TRRAP: variants seen among roughly 807,000 people sequenced by gnomAD.
TRRAP encodes the protein transformation/transcription domain associated protein.
TRRAP carries 41 observed loss-of-function variants against 438.8 expected under a neutral mutation model. The ratio of observed to expected loss-of-function variants is 0.09; its 90% CI spans 0.07 to 0.12. TRRAP has a LOEUF of 0.12. TRRAP is among the 10% of genes least tolerant of loss of function. TRRAP has a pLI of 1.00. For synonymous variants in TRRAP, 1,994 were observed against 1,962.9 expected, an observed-to-expected ratio of 1.02 and a Z score of -0.42; for missense variants, 3,122 against 5,055.1, an observed-to-expected ratio of 0.62 and a Z score of 11.60.
intron 39 of TRRAP, 98 bp downstream of exon 39, chr7:98,951,102 G>A (rs1007810554): frequency 1.8e-5 from 8 of 441,232 alleles, no homozygotes; most frequent in Non-Finnish European, 2.4e-5. Context: ...TGTTAAGGGG[G>A]TTCATTGAAA....
chr7:98,940,896 A>G (rs1465763683), intron 30 of TRRAP, among the ~76,000 whole-genome samples: 4 of 152,198 alleles, frequency 2.6e-5, no homozygotes. Flanking sequence ...GTTTTCCCTC[A>G]TAAGCCTTCG....
chr7:98,907,455 T>TA (rs782393233), intron 13 of TRRAP, among the ~76,000 whole-genome samples: 67 of 152,238 alleles, frequency 4.4e-4, no homozygotes, highest in Non-Finnish European at 8.1e-4. Context: ...ATGGATCTTT[T>TA]AAAAAATGTT....
intron 62 of TRRAP, among the ~76,000 whole-genome samples, chr7:98,986,310 A>C (rs1164249040): frequency 6.6e-6 from 1 of 152,192 alleles, no homozygotes; most frequent in Non-Finnish European, 1.5e-5. Flanking sequence ...TGGGGACAGA[A>C]TATCTGGGTC....
intron 18 of TRRAP, among the ~76,000 whole-genome samples, chr7:98,915,104 C>T (rs1413062025): frequency 1.3e-5 from 2 of 151,862 alleles, no homozygotes; most frequent in African/African-American, 4.8e-5. Flanking sequence ...ATTAAGTCTT[C>T]CAAAACGCTA....
chr7:99,008,056 CCT>C (rs1001719115), intron 69 of TRRAP, among the ~76,000 whole-genome samples: 58 of 152,038 alleles, frequency 3.8e-4, no homozygotes, highest in African/African-American at 1.4e-3. Context: ...GATCTCCTGA[CCT>C]CGTGATCCGC....
intron 32 of TRRAP, 23 bp from the exon 33 acceptor site, chr7:98,945,907 C>A: frequency 6.5e-7 from 1 of 1,539,516 alleles, no homozygotes. Flanking sequence ...TTTTTTCATG[C>A]TGTAATTTTT....
intron 66 of TRRAP, 128 bp downstream of exon 66, chr7:98,993,865 C>A: frequency 1.1e-6 from 1 of 914,712 alleles, no homozygotes; most frequent in Non-Finnish European, 1.7e-6. Context: ...TTGAACTTAA[C>A]CATGGACCAG....
chr7:98,944,591 A>G (rs1320516185), intron 31 of TRRAP, among the ~76,000 whole-genome samples: 1 of 152,122 alleles, frequency 6.6e-6, no homozygotes, highest in Non-Finnish European at 1.5e-5. Context: ...CTCAGAGGCC[A>G]TGGTGTTTGG....
intron 3 of TRRAP, 56 bp downstream of exon 3, chr7:98,882,080 T>C: frequency 6.8e-7 from 1 of 1,460,322 alleles, no homozygotes. Context: ...TTATTCACTT[T>C]CCTGTCCTGC....
chr7:98,955,136 T>G lies in TRRAP; in HGVS notation c.5769T>G (p.Ala1923=), dbSNP rs1167022470. The G allele has an allele frequency of 1.2e-5, 19 of 1,614,088 alleles. No homozygotes were observed. Among genetic ancestry groups the G allele is most frequent in the Non-Finnish European group, 1.5e-5 (18 of 1,180,036 alleles). ...TCCTCAAGGCTCACGCAATGGAAGC[T>G]CGAGCGATCGTCAGACAGGCGATGG... ...HSLLKAHAME[A]RAIVRQAMAI... Residue 1923 remains alanine (A), a synonymous_variant, in exon 41 of 73, where the codon GCT becomes GCG. Transcript: ENST00000456197.
intron 19 of TRRAP, 60 bp downstream of exon 19, chr7:98,915,948 C>T (rs1554409519): frequency 8.8e-6 from 14 of 1,593,138 alleles, no homozygotes; most frequent in Middle Eastern, 1.7e-4. Flanking sequence ...ATGTGTCTAG[C>T]CATCCTGATT....
chr7:98,983,695 G>A lies in TRRAP; in HGVS notation c.9022+236G>A, dbSNP rs781283941. ...TACCTGTTACATTTTTCTAGTTGGG[G>A]CAGAATCGTACAGGCCGGGGGGATC... On this transcript the variant is annotated intron_variant, in intron 60 of 72. Coordinates refer to ENST00000456197, the MANE Select transcript of TRRAP (RefSeq NM_001375524.1). Among the ~76,000 whole-genome samples the A allele has an allele frequency of 5.9e-5, 9 of 152,198 alleles. No individual in the cohort carries two copies. In the South Asian group the frequency reaches 1.9e-3, roughly 32 times the overall value.
Position 98,964,689 on chromosome 7 carries a change from T to C in TRRAP, c.6890T>C (p.Ile2297Thr). The C allele has an allele frequency of 1.2e-6, 2 of 1,614,134 alleles. No homozygotes were observed. Among genetic ancestry groups the C allele is most frequent in the Non-Finnish European group, 1.7e-6 (2 of 1,180,016 alleles). ...SNNPSYIDRL[I>T]SVFMRSLQKM... The stretch of plus-strand genomic sequence containing the variant: ...AACCCCAGCTACATAGACAGGCTGA[T>C]CTCCGTCTTTATGCGCTCCCTGCAG... Residue 2297 changes from isoleucine to threonine, a missense_variant, in exon 48 of 73, where the codon ATC becomes ACC. Ile to Thr is a moderately conservative substitution (Grantham distance 89, BLOSUM62 -1). Transcript: ENST00000456197.
chr7:98,905,816 C>G (rs1431066074), intron 12 of TRRAP, among the ~76,000 whole-genome samples: 2 of 152,176 alleles, frequency 1.3e-5, no homozygotes, highest in Non-Finnish European at 2.9e-5. Context: ...ATCCTGTTCC[C>G]TTGTCCAAAC....
At chr7:98,980,155 A>G (rs552777367) in intron 58 of TRRAP, among the ~76,000 whole-genome samples, 1 of 152,306 alleles carries the variant, frequency 6.6e-6, no homozygotes, top group African/African-American at 2.4e-5. Context: ...GGTACCATGA[A>G]TGTGCTTTGG....
At chr7:98,941,445 C>G (rs1790792218) in intron 30 of TRRAP, among the ~76,000 whole-genome samples, 1 of 152,216 alleles carries the variant, frequency 6.6e-6, no homozygotes, top group Non-Finnish European at 1.5e-5. Flanking sequence ...GCTGGGATTA[C>G]AGGAGTGAGC....
At position 99,004,332 on chromosome 7, in the gene TRRAP, T is replaced by G; in HGVS notation, c.10452T>G (p.Asn3484Lys). 1 of 1,614,216 alleles carries G rather than the reference T, an allele frequency of 6.2e-7. No individual in the cohort carries two copies. Among genetic ancestry groups the G allele is most frequent in the Admixed American group, 1.7e-5 (1 of 60,024 alleles). Residue 3484 changes from asparagine to lysine, a missense_variant, in exon 68 of 73, where the codon AAT becomes AAG. Physicochemically the swap from Asn to Lys is moderately conservative, Grantham distance 94. This residue lies in a region of TRRAP where 107 missense variants were observed against 327.5 expected (regional missense o/e 0.33). Transcript: ENST00000456197. ...LIEEKCRFLS[N>K]FSAQTAEVEI... Reference sequence around the variant, plus strand: ...AGGAAAAGTGCCGGTTCTTGAGCAATTTCTCGGCACAGACAGCTGAAGTGG... The same window carrying G: ...AGGAAAAGTGCCGGTTCTTGAGCAAGTTCTCGGCACAGACAGCTGAAGTGG...
At chr7:99,009,639 G>T (rs1794342067) in intron 70 of TRRAP, among the ~76,000 whole-genome samples, 1 of 152,160 alleles carries the variant, frequency 6.6e-6, no homozygotes, top group African/African-American at 2.4e-5. Context: ...GAGAGGAATG[G>T]ATTATATTCT....
rs369979400 is a variant in TRRAP at position 99,011,548 on chromosome 7, G to A, written c.11337+13G>A. On this transcript the variant is annotated intron_variant, in intron 72 of 72. Transcript: ENST00000456197. The surrounding 1 kb of genome is among the most constrained non-coding windows in gnomAD (Gnocchi z 7.1). ...GCCAAACTTTAAGGTGGGTCTCCAC[G>A]TCGTCCTATCACAGGCGCAGGCTAG... is the stretch of plus-strand genomic sequence containing the variant. The A allele has an allele frequency of 1.6e-5, 25 of 1,610,600 alleles. No individual in the cohort carries two copies. Among genetic ancestry groups the A allele is most frequent in the African/African-American group, 8.0e-5 (6 of 74,852 alleles).
Sources: gnomAD v4.1 joint callset for allele counts (sites outside exome capture counted in the v4.1 genomes callset) on GRCh38, gnomAD v4.1.1 for gene constraint, gnomAD v4.1.1 regional missense constraint, Gnocchi (gnomAD v3.1) non-coding constraint, MANE v1.5 for transcripts, NCBI Gene and HGNC (gene_info 2026-07-23, HGNC 2026-07-21) for gene names.